B4GALNT4: variants seen among roughly 807,000 people sequenced by gnomAD.
B4GALNT4 encodes the protein N-acetyl-beta-glucosaminyl-glycoprotein 4-beta-N-acetylgalactosaminyltransferase 1.
B4GALNT4 carries 77 observed loss-of-function variants against 110.0 expected under a neutral mutation model. The ratio of observed to expected loss-of-function variants is 0.70; its 90% CI spans 0.58 to 0.85. The LOEUF is 0.85. Ranked by LOEUF, B4GALNT4 falls within the 40% of genes least tolerant of loss-of-function variation. The pLI, the probability that B4GALNT4 is intolerant of heterozygous loss-of-function variation, is 0.00. For missense variants in B4GALNT4, 1,575 were observed against 1,506.0 expected (o/e 1.05, Z -0.76); for synonymous variants, 785 against 655.5 (o/e 1.20, Z -3.02).
chr11:380,288 C>T lies in B4GALNT4; in HGVS notation c.2716-4C>T. ...GCGGGGCTCAGACCTCCCGCACCCC[C>T]CAGGACGCCAGCAGCATCGTGTTCC... On this transcript the variant is annotated splice_region_variant and splice_polypyrimidine_tract_variant and intron_variant, in intron 17 of 19. Transcript: ENST00000329962. The T allele has an allele frequency of 2.5e-6, 4 of 1,612,910 alleles. No individual in the cohort carries two copies. The highest frequency in any genetic ancestry group is 3.4e-6 in the Non-Finnish European group (4 of 1,179,616).
intron 6 of B4GALNT4, 46 bp from the exon 7 acceptor site, chr11:373,403 A>ACTGGGGGGGGGGGGGGGGGG: frequency 2.4e-6 from 3 of 1,259,482 alleles, no homozygotes; most frequent in Middle Eastern, 2.0e-4. Flanking sequence ...CCAGGGAGAG[A>ACTGGGGGGGGGGGGGGGGGG]GTGAACCCCC....
rs1479339311 is a variant in B4GALNT4 at position 375,757 on chromosome 11, G to A, written c.969G>A (p.Arg323=). Residue 323 remains arginine, a synonymous_variant, in exon 10 of 20, where the codon AGG becomes AGA. Coordinates refer to ENST00000329962, the MANE Select transcript of B4GALNT4 (RefSeq NM_178537.5). ...CAGACATGCTGCGGCCAGATCCCAGGGATACCTTTTTCCTCAGTGAGAGGG... is the reference window on the plus strand; with the variant it reads ...CAGACATGCTGCGGCCAGATCCCAGAGATACCTTTTTCCTCAGTGAGAGGG... ...TSADMLRPDP[R]DTFFLTPRME... 3 of 1,597,534 alleles carry A rather than the reference G, an allele frequency of 1.9e-6. No homozygotes were observed. Among genetic ancestry groups the A allele is most frequent in the Admixed American group, 3.3e-5 (2 of 59,768 alleles).
Position 376,409 on chromosome 11 carries a change from C to A in B4GALNT4, c.1298-12C>A. On this transcript the variant is annotated splice_polypyrimidine_tract_variant and intron_variant, in intron 13 of 19. Transcript: ENST00000329962. ...ACCTGCGCAGGGAGCTTCTAACCCGCGTTTCCCGCAGACTTCCTGGACGAC... is the reference window on the plus strand; with the variant it reads ...ACCTGCGCAGGGAGCTTCTAACCCGAGTTTCCCGCAGACTTCCTGGACGAC... The A allele has an allele frequency of 1.2e-6, 2 of 1,601,064 alleles. No homozygotes were observed. The highest frequency in any genetic ancestry group is 1.1e-5 in the South Asian group (1 of 90,736).
rs1478345781 is a variant in B4GALNT4, at chr11:376,487, C to G, written c.1364C>G (p.Pro455Arg). The change falls in exon 14 of 20, where the codon CCC (proline) becomes CGC (arginine). Residue 455 changes from proline to arginine, a missense_variant. Pro to Arg is a moderately radical substitution (Grantham distance 103). Coordinates refer to ENST00000329962, the MANE Select transcript of B4GALNT4 (RefSeq NM_178537.5). ...CTGGAGCCCACCGAGGCGGCCCCGC[C>G]CAGGAGCGGCCCCCAGTCCCCCGCC... ...DSLEPTEAAP[P>R]RSGPQSPAPA... 6.4e-7 allele frequency: 1 copy of G among 1,574,290 alleles called. No individual in the cohort carries two copies. The highest frequency in any genetic ancestry group is 1.1e-5 in the South Asian group (1 of 88,194).
chr11:372,940 T>C lies in B4GALNT4; in HGVS notation c.437T>C (p.Phe146Ser). ...AGGAGGAACCTGCACTTCCCGCTGTTCCCTCATGTGAGTGCCGGGGTTGGG... is the reference window on the plus strand; with the variant it reads ...AGGAGGAACCTGCACTTCCCGCTGTCCCCTCATGTGAGTGCCGGGGTTGGG... ...HLRRNLHFPL[F>S]PHTRTTVKKL... Residue 146 changes from phenylalanine (F) to serine (S), a missense_variant, in exon 4 of 20, where the codon TTC (phenylalanine) becomes TCC (serine). Coordinates refer to ENST00000329962, the MANE Select transcript of B4GALNT4 (RefSeq NM_178537.5). 2 of 1,436,690 alleles carry C rather than the reference T, an allele frequency of 1.4e-6. No homozygotes were observed. The highest frequency in any genetic ancestry group is 1.9e-6 in the Non-Finnish European group (2 of 1,073,178). The allele number at this position is 1,436,690 out of a possible 1,614,324, so 89.0% of individuals were successfully genotyped here.
chr11:371,400 T>C (rs1370676498), intron 1 of B4GALNT4, among the ~76,000 whole-genome samples: 1 of 152,144 alleles, frequency 6.6e-6, no homozygotes, highest in Non-Finnish European at 1.5e-5. Context: ...CTCCACTTCC[T>C]GGACCTCCCT....
Position 373,478 on chromosome 11 carries a change from A to G in B4GALNT4, c.666A>G (p.Glu222=). 6.3e-7 allele frequency: 1 copy of G among 1,595,626 alleles called. No individual in the cohort carries two copies. The highest frequency in any genetic ancestry group is 8.5e-7 in the Non-Finnish European group (1 of 1,173,512). ...GCTCCGAGTGGACAGCGCCTGGAGA[A>G]TTCACCAAGTTCAGCTCCCAGGTGT... ...KTGSEWTAPG[E]FTKFSSQVSK... Residue 222 remains glutamate, a synonymous_variant, in exon 7 of 20, where the codon GAA becomes GAG. Transcript: ENST00000329962.
intron 7 of B4GALNT4, 50 bp downstream of exon 7, chr11:373,566 G>A (rs1846664217): frequency 6.3e-7 from 1 of 1,588,502 alleles, no homozygotes; most frequent in South Asian, 1.1e-5. Context: ...TCGTGGGAGG[G>A]GGTTACGCGC....
chr11:379,369 G>A (rs1846823424), intron 14 of B4GALNT4, 49 bp from the exon 15 acceptor site: 1 of 1,424,134 alleles, frequency 7.0e-7, no homozygotes, highest in Admixed American at 3.0e-5. Flanking sequence ...GGTTGCGGGC[G>A]GGGTGCAGGC....
At chr11:379,244 G>T (rs983191033) in intron 14 of B4GALNT4, among the ~76,000 whole-genome samples, 174 bp from the exon 15 acceptor site, 5 of 152,214 alleles carry the variant, frequency 3.3e-5, no homozygotes, top group Admixed American at 3.3e-4. Context: ...GGAGGGGGTG[G>T]CTGGAAGGTG....
chr11:376,762 T>A lies in B4GALNT4; in HGVS notation c.1639T>A (p.Trp547Arg). Residue 547 changes from tryptophan to arginine, a missense_variant, in exon 14 of 20, where the codon TGG (tryptophan) becomes AGG (arginine). Coordinates refer to ENST00000329962, the MANE Select transcript of B4GALNT4 (RefSeq NM_178537.5). ...SPRAPAPRAP[W>R]PPFPGVFLHP... ...CCGGGCCCCAGCGCCGCGTGCGCCC[T>A]GGCCGCCCTTCCCTGGCGTCTTCCT... 7.2e-7 allele frequency: 1 copy of A among 1,386,920 alleles called. No homozygotes were observed. Among genetic ancestry groups the A allele is most frequent in the Non-Finnish European group, 9.3e-7 (1 of 1,074,278 alleles). 85.9% of individuals were successfully genotyped at this position (1,386,920 alleles called of 1,614,324 possible).
In B4GALNT4 at chr11:380,340, C is replaced by T; in HGVS notation, c.2764C>T (p.Pro922Ser). ...FLCDLHIHFP[P>S]NILDGIRKHC... The stretch of plus-strand genomic sequence containing the variant: ...CTGCGACCTGCACATCCACTTCCCA[C>T]CCAACATCCTGGACGGCATCCGCAA... The change falls in exon 18 of 20, where the codon CCC becomes TCC. Residue 922 changes from proline to serine, a missense_variant. Pro to Ser is a moderately conservative substitution (Grantham distance 74, BLOSUM62 -1). Coordinates refer to ENST00000329962, the MANE Select transcript of B4GALNT4 (RefSeq NM_178537.5). The T allele has an allele frequency of 6.2e-7, 1 of 1,613,392 alleles. No homozygotes were observed. The highest frequency in any genetic ancestry group is 8.5e-7 in the Non-Finnish European group (1 of 1,179,758).
Position 379,598 on chromosome 11 carries a change from A to AAGTCCCGAG in B4GALNT4, c.2385_2386insAGTCCCGAG (p.Ser793_Glu795dup). 1 of 1,564,084 alleles carries AAGTCCCGAG rather than the reference A, an allele frequency of 6.4e-7. No individual in the cohort carries two copies. The highest frequency in any genetic ancestry group is 8.6e-7 in the Non-Finnish European group (1 of 1,157,290). Reference sequence around the variant, plus strand: ...GGGATGCAGACGGAGAAAGTCCCGAACCCGCTCCCGCCGCCTCCGTGCGCC... The same window carrying AAGTCCCGAG: ...GGGATGCAGACGGAGAAAGTCCCGAAAGTCCCGAGCCCGCTCCCGCCGCCTCCGTGCGCC... On this transcript the variant is annotated inframe_insertion, in exon 15 of 20. Transcript: ENST00000329962.
chr11:381,131 C>T, intron 19 of B4GALNT4, 180 bp downstream of exon 19: 1 of 985,236 alleles, frequency 1.0e-6, no homozygotes, highest in Non-Finnish European at 1.2e-6. Flanking sequence ...ACTTCTGAAA[C>T]CCTGTCCCAC....
chr11:376,398 C>T (rs1179725275), intron 13 of B4GALNT4, 23 bp from the exon 14 acceptor site: 3 of 1,602,426 alleles, frequency 1.9e-6, no homozygotes, highest in East Asian at 2.2e-5. Flanking sequence ...GCGCAGGGAG[C>T]TTCTAACCCG....
Position 381,970 on chromosome 11 carries a change from G to C in B4GALNT4, c.*178G>C. ...CCCTCCCCGGAGAGGCAGCCTTCACGGCGGGTCAGGGCCTGGCCTTGGTCC... is the reference window on the plus strand; with the variant it reads ...CCCTCCCCGGAGAGGCAGCCTTCACCGCGGGTCAGGGCCTGGCCTTGGTCC... On this transcript the variant is annotated 3_prime_UTR_variant, in exon 20 of 20. Coordinates refer to ENST00000329962, the MANE Select transcript of B4GALNT4 (RefSeq NM_178537.5). 1 of 655,064 alleles carries C rather than the reference G, an allele frequency of 1.5e-6. No homozygotes were observed. Among genetic ancestry groups the C allele is most frequent in the Non-Finnish European group, 2.3e-6 (1 of 431,804 alleles). 40.6% of individuals were successfully genotyped at this position (655,064 alleles called of 1,614,324 possible).
At chr11:380,105 C>T (rs1296306876) in intron 16 of B4GALNT4, 25 bp from the exon 17 acceptor site, 5 of 1,594,626 alleles carry the variant, frequency 3.1e-6, no homozygotes, top group Non-Finnish European at 4.3e-6. Context: ...CCCCAGAGAT[C>T]GTGCCTGTGA....
chr11:376,365 G>C lies in B4GALNT4; in HGVS notation c.1297+14G>C, dbSNP rs540287629. On this transcript the variant is annotated intron_variant, in intron 13 of 19. Coordinates refer to ENST00000329962, the MANE Select transcript of B4GALNT4 (RefSeq NM_178537.5). ...TCAACCCGGACGGTGAGTGTCCGCAGCGCCCCTGGCCCGCACCCACCTGCG... is the reference window on the plus strand; with the variant it reads ...TCAACCCGGACGGTGAGTGTCCGCACCGCCCCTGGCCCGCACCCACCTGCG... The C allele has an allele frequency of 9.0e-5, 144 of 1,604,954 alleles. 1 individual carries two copies. The South Asian group carries it at 1.4e-3, about 15-fold the overall frequency.
At position 376,408 on chromosome 11, in the gene B4GALNT4, G is replaced by C; in HGVS notation, c.1298-13G>C. ...CACCTGCGCAGGGAGCTTCTAACCC[G>C]CGTTTCCCGCAGACTTCCTGGACGA... On this transcript the variant is annotated splice_polypyrimidine_tract_variant and intron_variant, in intron 13 of 19. Coordinates refer to ENST00000329962, the MANE Select transcript of B4GALNT4 (RefSeq NM_178537.5). 6.2e-7 allele frequency: 1 copy of C among 1,601,118 alleles called. No homozygotes were observed. Among genetic ancestry groups the C allele is most frequent in the African/African-American group, 1.3e-5 (1 of 74,886 alleles).
Sources: gnomAD v4.1 joint callset for allele counts (sites outside exome capture counted in the v4.1 genomes callset) on GRCh38, gnomAD v4.1.1 for gene constraint, MANE v1.5 for transcripts, NCBI Gene and HGNC (gene_info 2026-07-23, HGNC 2026-07-21) for gene names.